KCNH8: variants seen among roughly 807,000 people sequenced by gnomAD.
KCNH8 encodes the protein voltage-gated delayed rectifier potassium channel KCNH8.
In KCNH8, 70 loss-of-function variants were observed where a neutral mutation model predicts 103.6. The ratio of observed to expected loss-of-function variants is 0.68; its 90% confidence interval spans 0.56 to 0.82. KCNH8 has a LOEUF of 0.82. Ranked by LOEUF, KCNH8 falls within the 40% of genes least tolerant of loss-of-function variation. KCNH8 has a pLI of 0.00. For missense variants in KCNH8, 1,217 were observed against 1,329.9 expected (o/e 0.92, Z 1.32); for synonymous variants, 498 against 489.4 (o/e 1.02, Z -0.23).
chr3:19,308,303 GTGA>G, intron 3 of KCNH8, among the ~76,000 whole-genome samples: 1 of 119,674 alleles, frequency 8.4e-6, no homozygotes, highest in East Asian at 2.8e-4. Flanking sequence ...AAAAAAAAAG[GTGA>G]TGATTAGAAT....
At chr3:19,185,022 C>T (rs566170922) in intron 1 of KCNH8, among the ~76,000 whole-genome samples, 62 of 151,798 alleles carry the variant, frequency 4.1e-4, no homozygotes, top group Admixed American at 3.6e-3. Context: ...TATCCATATA[C>T]CAGTTGTTGA....
intron 11 of KCNH8, among the ~76,000 whole-genome samples, chr3:19,494,954 G>C (rs550435176): frequency 1.3e-5 from 2 of 152,122 alleles, no homozygotes; most frequent in African/African-American, 2.4e-5. Flanking sequence ...GGTTAGTGAT[G>C]ATGAGCATTT....
intron 15 of KCNH8, among the ~76,000 whole-genome samples, chr3:19,531,091 CTTTA>C (rs1264716752): frequency 6.6e-6 from 1 of 152,180 alleles, no homozygotes; most frequent in African/African-American, 2.4e-5. Context: ...GAGACTGTGC[CTTTA>C]TTTAATTCTC....
At chr3:19,354,089 A>AACAC (rs2065844309) in intron 5 of KCNH8, among the ~76,000 whole-genome samples, 3 of 151,412 alleles carry the variant, frequency 2.0e-5, no homozygotes, top group Admixed American at 2.0e-4. Context: ...ATACACCAAT[A>AACAC]ACAGACAGAG....
chr3:19,443,518 A>C (rs945266201), intron 8 of KCNH8, among the ~76,000 whole-genome samples: 2 of 151,528 alleles, frequency 1.3e-5, no homozygotes, highest in African/African-American at 4.8e-5. Flanking sequence ...CCATATAGGC[A>C]TCTGTAATTA....
At chr3:19,366,818 C>T (rs1270519133) in intron 5 of KCNH8, among the ~76,000 whole-genome samples, 5 of 151,938 alleles carry the variant, frequency 3.3e-5, no homozygotes, top group African/African-American at 1.2e-4. Context: ...TCAGTAAATA[C>T]ATAAGTAATA....
chr3:19,415,802 A>G (rs559894429), intron 7 of KCNH8, among the ~76,000 whole-genome samples: 3 of 152,180 alleles, frequency 2.0e-5, no homozygotes, highest in Non-Finnish European at 2.9e-5. Context: ...AGTTGTGCCA[A>G]TTTATTGTTT....
intron 8 of KCNH8, among the ~76,000 whole-genome samples, chr3:19,442,822 CTAAT>C (rs2125175970): frequency 6.6e-6 from 1 of 152,116 alleles, no homozygotes; most frequent in East Asian, 1.9e-4. Context: ...TCCTAATTAA[CTAAT>C]TAATTGTAAA....
chr3:19,186,612 A>T (rs940472230), intron 1 of KCNH8, among the ~76,000 whole-genome samples: 7 of 152,046 alleles, frequency 4.6e-5, no homozygotes, highest in Non-Finnish European at 1.0e-4. Context: ...GATAAATTTT[A>T]AAAAAGAAAA....
intron 3 of KCNH8, among the ~76,000 whole-genome samples, chr3:19,294,808 T>G (rs1359481288): frequency 6.6e-6 from 1 of 152,146 alleles, no homozygotes; most frequent in Non-Finnish European, 1.5e-5. Flanking sequence ...GGCATAATAG[T>G]CATGGCATGC....
intron 3 of KCNH8, among the ~76,000 whole-genome samples, chr3:19,322,283 T>G (rs187406849): frequency 6.6e-6 from 1 of 152,312 alleles, no homozygotes; most frequent in East Asian, 1.9e-4. Flanking sequence ...TTATAGGTCC[T>G]GTGAGATTTA....
chr3:19,238,466 C>A (rs1374301071), intron 1 of KCNH8, among the ~76,000 whole-genome samples: 1 of 152,082 alleles, frequency 6.6e-6, no homozygotes, highest in Non-Finnish European at 1.5e-5. Context: ...AGAGATTATT[C>A]CAAGTCTTTG....
intron 3 of KCNH8, among the ~76,000 whole-genome samples, chr3:19,299,529 T>C (rs1050556282): frequency 2.6e-5 from 4 of 152,228 alleles, no homozygotes; most frequent in Non-Finnish European, 4.4e-5. Context: ...CAAGGAAATA[T>C]AATTTTCATT....
At chr3:19,423,722 G>A (rs928468158) in intron 7 of KCNH8, among the ~76,000 whole-genome samples, 4 of 151,888 alleles carry the variant, frequency 2.6e-5, no homozygotes, top group Admixed American at 6.6e-5. Context: ...TTTCAATTGC[G>A]AATTGTGCTG....
chr3:19,380,610 T>C (rs759276758), intron 5 of KCNH8, among the ~76,000 whole-genome samples: 2 of 152,224 alleles, frequency 1.3e-5, no homozygotes, highest in Non-Finnish European at 2.9e-5. Flanking sequence ...CATTAGGCTG[T>C]ACCCTCTACT....
chr3:19,448,490 C>T (rs2125180988), intron 8 of KCNH8, among the ~76,000 whole-genome samples: 1 of 151,928 alleles, frequency 6.6e-6, no homozygotes, highest in Middle Eastern at 3.4e-3. Flanking sequence ...TATGTATTAC[C>T]TAGGAAATAA....
At chr3:19,226,623 G>GCACACACACACACA (rs146546353) in intron 1 of KCNH8, among the ~76,000 whole-genome samples, 2,264 of 145,690 alleles carry the variant, frequency 0.016, 67 homozygotes, top group African/African-American at 0.053. Flanking sequence ...ACACATGCAT[G>GCACACACACACACA]CACACACACA....
chr3:19,404,965 T>C (rs1051853041), intron 7 of KCNH8, among the ~76,000 whole-genome samples: 1 of 151,860 alleles, frequency 6.6e-6, no homozygotes, highest in African/African-American at 2.4e-5. Context: ...ACTTTAAAAT[T>C]TGGGGTATAG....
intron 3 of KCNH8, among the ~76,000 whole-genome samples, chr3:19,331,647 A>C (rs939519478): frequency 1.3e-5 from 2 of 152,178 alleles, no homozygotes; most frequent in African/African-American, 4.8e-5. Context: ...GGGATGCATA[A>C]GATATTTTGG....
Sources: allele counts gnomAD v4.1 joint callset (sites outside exome capture counted in the v4.1 genomes callset), GRCh38; gene constraint gnomAD v4.1.1; transcripts MANE v1.5; gene names NCBI Gene and HGNC (gene_info 2026-07-23, HGNC 2026-07-21).